C4orf51: variants seen among roughly 807,000 people sequenced by gnomAD.
The protein encoded by C4orf51 is uncharacterized protein C4orf51.
C4orf51 carries 25 observed loss-of-function variants against 25.2 expected under a neutral mutation model. The observed-to-expected ratio is 0.99, with a 90% CI of 0.72 to 1.39. The LOEUF (loss-of-function observed/expected upper bound fraction) is 1.39, where lower values mean the gene tolerates loss of function less well. C4orf51 is among the 40% of genes most tolerant of loss of function. The probability of loss-of-function intolerance (pLI) is 0.00; values close to 1 mark genes in which losing one functional copy is unlikely to be tolerated. For missense variants in C4orf51, 252 were observed against 239.6 expected, an observed-to-expected ratio of 1.05 and a Z score of -0.34; for synonymous variants, 100 against 84.5, an observed-to-expected ratio of 1.18 and a Z score of -1.01.
intron 2 of C4orf51, among the ~76,000 whole-genome samples, chr4:145,726,324 C>G (rs889808029): frequency 6.6e-6 from 1 of 152,176 alleles, no homozygotes; most frequent in Non-Finnish European, 1.5e-5. Context: ...TGGGAACATT[C>G]AAAATCCTTT....
downstream of C4orf51, among the ~76,000 whole-genome samples, chr4:145,773,680 A>G (rs1736619536): frequency 6.6e-6 from 1 of 152,254 alleles, no homozygotes; most frequent in Admixed American, 6.5e-5. Context: ...GGAAGAAGTT[A>G]ACCAGAATGG....
At chr4:145,680,908 T>C (rs1054304495) in intron 1 of C4orf51, among the ~76,000 whole-genome samples, 1 of 152,146 alleles carries the variant, frequency 6.6e-6, no homozygotes, top group African/African-American at 2.4e-5. Context: ...ATCAAAAAAA[T>C]TAACTTCAGT....
chr4:145,747,805 G>C (rs1733453940), intron 1 of C4orf51, among the ~76,000 whole-genome samples: 1 of 135,410 alleles, frequency 7.4e-6, no homozygotes, highest in Admixed American at 7.8e-5. Flanking sequence ...TTCCTTCCTT[G>C]CCACCCTCCC....
downstream of C4orf51, among the ~76,000 whole-genome samples, chr4:145,735,457 A>G (rs1732756010): frequency 6.6e-6 from 1 of 152,174 alleles, no homozygotes; most frequent in Non-Finnish European, 1.5e-5. Flanking sequence ...GTGAGAATGC[A>G]AAGGAGAATG....
Position 145,729,289 on chromosome 4 carries a change from G to A in C4orf51, c.427+60G>A, listed in dbSNP as rs546962069. 8 of 705,740 alleles carry A rather than the reference G, an allele frequency of 1.1e-5. No individual in the cohort carries two copies. The African/African-American group carries it at 1.3e-4, about 12-fold the overall frequency. The allele number at this position is 705,740 out of a possible 1,614,324, so 43.7% of individuals were successfully genotyped here. ...TTTTCTGGCCTTTATTTTAATCGTG[G>A]TCATGTGATTTTTTTTTTTTTTTTT... On this transcript the variant is annotated intron_variant, in intron 4 of 5. Coordinates refer to ENST00000438731, the MANE Select transcript of C4orf51 (RefSeq NM_001080531.3).
intron 1 of C4orf51, among the ~76,000 whole-genome samples, chr4:145,690,888 G>A (rs963206171): frequency 2.6e-5 from 4 of 152,102 alleles, no homozygotes; most frequent in African/African-American, 9.7e-5. Context: ...AGGACTGTTT[G>A]TCCCAGGAAT....
At chr4:145,772,613 A>G (rs990711001), downstream of C4orf51, among the ~76,000 whole-genome samples, 2 of 152,228 alleles carry the variant, frequency 1.3e-5, no homozygotes, top group Non-Finnish European at 2.9e-5. Context: ...GTTGAGTAGT[A>G]GTGACAGAAA....
At chr4:145,779,344 G>C in the C4orf51 span, 1 of 1,609,258 alleles carries the variant, frequency 6.2e-7, no homozygotes, top group Admixed American at 1.7e-5. Context: ...GGAGCATAGA[G>C]GGCTGACAGC....
chr4:145,730,811 G>T (rs1290518239), intron 5 of C4orf51, among the ~76,000 whole-genome samples: 1 of 152,156 alleles, frequency 6.6e-6, no homozygotes, highest in Non-Finnish European at 1.5e-5. Flanking sequence ...TGGAAATGCT[G>T]GTCTTTGGAC....
chr4:145,728,857 G>A (rs939970097), intron 3 of C4orf51, among the ~76,000 whole-genome samples: 1 of 151,346 alleles, frequency 6.6e-6, no homozygotes, highest in Non-Finnish European at 1.5e-5. Flanking sequence ...TATTAGGATT[G>A]TACTCCTTTG....
At chr4:145,706,061 G>C (rs914515589) in intron 2 of C4orf51, among the ~76,000 whole-genome samples, 53 of 151,582 alleles carry the variant, frequency 3.5e-4, no homozygotes, top group African/African-American at 1.3e-3. Flanking sequence ...GAATAAGCAG[G>C]GTTAGTCTAA....
intron 2 of C4orf51, among the ~76,000 whole-genome samples, chr4:145,705,192 T>C (rs374040431): frequency 1.1e-4 from 16 of 152,322 alleles, no homozygotes; most frequent in Non-Finnish European, 2.2e-4. Flanking sequence ...TTCCACAATT[T>C]TGCCTCTTAA....
At chr4:145,792,183 C>G in the C4orf51 span, among the ~76,000 whole-genome samples, 1 of 152,162 alleles carries the variant, frequency 6.6e-6, no homozygotes, top group Non-Finnish European at 1.5e-5. Context: ...TGCTGCATTT[C>G]ATGGCCTCAG....
At chr4:145,749,875 C>G (rs1733576229) in intron 1 of C4orf51, among the ~76,000 whole-genome samples, 1 of 152,144 alleles carries the variant, frequency 6.6e-6, no homozygotes, top group African/African-American at 2.4e-5. Flanking sequence ...ACCTCATGAT[C>G]TGCCCGCCTC....
chr4:145,764,723 T>C, intron 1 of C4orf51: 1 of 497,470 alleles, frequency 2.0e-6, no homozygotes. Flanking sequence ...TCTTGCATGC[T>C]GGGTTGTTTC....
chr4:145,717,860 T>A (rs528677086), intron 2 of C4orf51, among the ~76,000 whole-genome samples: 33 of 152,266 alleles, frequency 2.2e-4, no homozygotes, highest in Non-Finnish European at 4.0e-4. Flanking sequence ...TCAGCTCTTA[T>A]ATTCAAAGTA....
At chr4:145,774,667 T>C (rs1243418833), downstream of C4orf51, 2 of 1,613,344 alleles carry the variant, frequency 1.2e-6, no homozygotes, top group African/African-American at 1.3e-5. Flanking sequence ...TCCACACACG[T>C]GACAACTACA....
chr4:145,737,558 C>T (rs548278563), downstream of C4orf51, among the ~76,000 whole-genome samples: 1 of 152,228 alleles, frequency 6.6e-6, no homozygotes, highest in East Asian at 1.9e-4. Context: ...GCTTTTCCTC[C>T]CTTCTCCATC....
At chr4:145,753,474 G>A (rs1733790648) in intron 1 of C4orf51, among the ~76,000 whole-genome samples, 1 of 152,042 alleles carries the variant, frequency 6.6e-6, no homozygotes, top group African/African-American at 2.4e-5. Context: ...ACTGCTAGTT[G>A]TGTGTCAAAG....
Sources: allele counts gnomAD v4.1 joint callset (sites outside exome capture counted in the v4.1 genomes callset), GRCh38; gene constraint gnomAD v4.1.1; transcripts MANE v1.5; gene names NCBI Gene and HGNC (gene_info 2026-07-23, HGNC 2026-07-21).